Variants in ZFAND3 observed in about 807,000 individuals in gnomAD.
ZFAND3 encodes zinc finger AN1-type containing 3.
Under a neutral mutation model 29.6 loss-of-function variants are expected in ZFAND3, and 10 were observed. The ratio of observed to expected loss-of-function variants is 0.34; its 90% CI spans 0.21 to 0.57. The LOEUF is 0.57. Among genes scored for constraint, ZFAND3 ranks in the 20% least tolerant of loss-of-function variants. The pLI is 0.86. For synonymous variants in ZFAND3, 128 were observed against 112.6 expected (o/e 1.14, Z -0.87); for missense variants, 230 against 304.5 (o/e 0.76, Z 1.82).
chr6:38,153,430 G>A lies in ZFAND3; in HGVS notation c.*1041G>A, dbSNP rs1419162857. 4.1e-6 allele frequency: 4 copies of A among 985,396 alleles called. No individual in the cohort carries two copies. The allele number at this position is 985,396 out of a possible 1,614,324, so 61.0% of individuals were successfully genotyped here. A position where few individuals can be genotyped will look rare whatever the true frequency, so the allele number is the denominator to read the frequency against. ...TGGCCTCCATTCTCGTTTCTATGCA[G>A]CCCCATAGTCCAAGGACACCCAGTC... On this transcript the variant is annotated 3_prime_UTR_variant, in exon 6 of 6. Coordinates refer to ENST00000287218, the MANE Select transcript of ZFAND3 (RefSeq NM_021943.3).
chr6:38,145,634 T>C (rs963496215), intron 5 of ZFAND3, among the ~76,000 whole-genome samples: 33 of 152,100 alleles, frequency 2.2e-4, no homozygotes, highest in Middle Eastern at 3.2e-3. Context: ...TGAGTAATTT[T>C]AGAGATCTGC....
chr6:38,020,247 TATTA>T (rs1301354216), intron 2 of ZFAND3, among the ~76,000 whole-genome samples: 1 of 152,222 alleles, frequency 6.6e-6, no homozygotes, highest in African/African-American at 2.4e-5. Context: ...ATAATGTATA[TATTA>T]ATTATATTCT....
chr6:37,996,817 T>A (rs1182505094), intron 2 of ZFAND3, among the ~76,000 whole-genome samples: 1 of 152,348 alleles, frequency 6.6e-6, no homozygotes, highest in South Asian at 2.1e-4. Context: ...TTCCCATGTT[T>A]CTATTTTGTT....
At chr6:37,997,650 C>T (rs745952854) in intron 2 of ZFAND3, among the ~76,000 whole-genome samples, 1 of 152,158 alleles carries the variant, frequency 6.6e-6, no homozygotes, top group Non-Finnish European at 1.5e-5. Flanking sequence ...CCTTGTGCTC[C>T]TGGGTGAATT....
rs181150978 is a variant in ZFAND3 at position 38,150,976 on chromosome 6, G to T, written c.530-1259G>T. Among the ~76,000 whole-genome samples the T allele has an allele frequency of 4.2e-3, 633 of 152,284 alleles. 3 individuals carry two copies. Among genetic ancestry groups the T allele is most frequent in the Non-Finnish European group, 6.6e-3 (451 of 68,004 alleles). On this transcript the variant is annotated intron_variant, in intron 5 of 5. Coordinates refer to ENST00000287218, the MANE Select transcript of ZFAND3 (RefSeq NM_021943.3). The stretch of plus-strand genomic sequence containing the variant: ...GAGATAATGCTGATGGGATGAGAAG[G>T]TGATGAGGAGCCAGCCAGCACTGGC...
chr6:37,992,911 A>G (rs932455053), intron 2 of ZFAND3, among the ~76,000 whole-genome samples: 2 of 152,022 alleles, frequency 1.3e-5, no homozygotes, highest in African/African-American at 4.8e-5. Context: ...GCATTCATCT[A>G]ATTGGTTTCC....
chr6:37,845,037 A>G (rs955335238), intron 1 of ZFAND3, among the ~76,000 whole-genome samples: 2 of 151,908 alleles, frequency 1.3e-5, no homozygotes, highest in African/African-American at 4.8e-5. Context: ...AAAAAAAAAA[A>G]AAGCAATTAT....
chr6:37,824,401 A>G (rs1005518170), intron 1 of ZFAND3, among the ~76,000 whole-genome samples: 3 of 152,248 alleles, frequency 2.0e-5, no homozygotes, highest in African/African-American at 7.2e-5. Flanking sequence ...GACCTAGAAT[A>G]TTACAGAAAA....
At chr6:38,067,804 C>G (rs1329249327) in intron 3 of ZFAND3, among the ~76,000 whole-genome samples, 1 of 152,140 alleles carries the variant, frequency 6.6e-6, no homozygotes, top group Non-Finnish European at 1.5e-5. Flanking sequence ...TACAAGTCAG[C>G]TTTTCTGTTG....
In ZFAND3 at chr6:38,154,221, T is replaced by C; in HGVS notation, c.*1832T>C. On this transcript the variant is annotated 3_prime_UTR_variant, in exon 6 of 6. Coordinates refer to ENST00000287218, the MANE Select transcript of ZFAND3 (RefSeq NM_021943.3). ...AGCCCCCCATAGGCTTCCGCCAAGCTCTGGTCCCGAAGAGGCTGTGCGAGC... is the reference window on the plus strand; with the variant it reads ...AGCCCCCCATAGGCTTCCGCCAAGCCCTGGTCCCGAAGAGGCTGTGCGAGC... 2.0e-6 allele frequency: 2 copies of C among 985,520 alleles called. No homozygotes were observed. The highest frequency in any genetic ancestry group is 2.4e-6 in the Non-Finnish European group (2 of 830,006). The allele number at this position is 985,520 out of a possible 1,614,324, so 61.0% of individuals were successfully genotyped here. A position where few individuals can be genotyped will look rare whatever the true frequency, so the allele number is the denominator to read the frequency against.
intron 5 of ZFAND3, among the ~76,000 whole-genome samples, chr6:38,138,553 C>G (rs1765887348): frequency 6.6e-6 from 1 of 152,186 alleles, no homozygotes; most frequent in Admixed American, 6.5e-5. Flanking sequence ...GCATTCCAGC[C>G]CTGCTGGCTG....
At chr6:38,069,894 C>T (rs1052568379) in intron 3 of ZFAND3, among the ~76,000 whole-genome samples, 1 of 152,160 alleles carries the variant, frequency 6.6e-6, no homozygotes, top group Non-Finnish European at 1.5e-5. Context: ...CATTTTCTGG[C>T]TTGCTTTTCT....
chr6:37,836,602 A>AT (rs1298786131), intron 1 of ZFAND3, among the ~76,000 whole-genome samples: 1 of 152,226 alleles, frequency 6.6e-6, no homozygotes, highest in African/African-American at 2.4e-5. Flanking sequence ...TCTCAGCAGT[A>AT]TTCTGGCCCA....
At chr6:38,141,610 A>C in intron 5 of ZFAND3, among the ~76,000 whole-genome samples, 1 of 152,184 alleles carries the variant, frequency 6.6e-6, no homozygotes, top group Non-Finnish European at 1.5e-5. Context: ...AGGCTTGTGG[A>C]GGGGGAGAGA....
intron 4 of ZFAND3, among the ~76,000 whole-genome samples, chr6:38,097,472 CT>C (rs1765006396): frequency 6.6e-6 from 1 of 152,052 alleles, no homozygotes; most frequent in African/African-American, 2.4e-5. Flanking sequence ...TAGGTATTAA[CT>C]GGCAGAATTA....
At chr6:37,877,029 GTATT>G (rs1293883819) in intron 1 of ZFAND3, among the ~76,000 whole-genome samples, 1 of 152,248 alleles carries the variant, frequency 6.6e-6, no homozygotes, top group East Asian at 1.9e-4. Flanking sequence ...TAATCTTTGT[GTATT>G]TATGCAAGTA....
rs1300320147 is a variant in ZFAND3 at position 38,116,647 on chromosome 6, C to G, written c.437C>G (p.Thr146Ser). The G allele has an allele frequency of 1.2e-6, 2 of 1,614,158 alleles. No individual in the cohort carries two copies. The highest frequency in any genetic ancestry group is 1.7e-6 in the Non-Finnish European group (2 of 1,179,996). Reference sequence around the variant, plus strand: ...GAGAATACGGAACGGTCCGAGGAAACCAGTCGATCTAAACAGAAGAGTCGA... The same window carrying G: ...GAGAATACGGAACGGTCCGAGGAAAGCAGTCGATCTAAACAGAAGAGTCGA... ...LLENTERSEE[T>S]SRSKQKSRRR... The change falls in exon 5 of 6, where the codon ACC (threonine) becomes AGC (serine). Residue 146 changes from threonine (T) to serine (S), a missense_variant. Thr to Ser is a moderately conservative substitution (Grantham distance 58, BLOSUM62 1). Coordinates refer to ENST00000287218, the MANE Select transcript of ZFAND3 (RefSeq NM_021943.3).
chr6:38,003,705 C>A, intron 2 of ZFAND3: 2 of 348,562 alleles, frequency 5.7e-6, no homozygotes, highest in Admixed American at 3.7e-5. Context: ...GGGGTTTTGC[C>A]ATGTTGACCA....
chr6:38,003,654 A>G, intron 2 of ZFAND3: 2 of 334,284 alleles, frequency 6.0e-6, no homozygotes. Flanking sequence ...ATGCACCACC[A>G]CGACCAGCTA....
Sources: allele counts gnomAD v4.1 joint callset (sites outside exome capture counted in the v4.1 genomes callset), GRCh38; gene constraint gnomAD v4.1.1; transcripts MANE v1.5; gene names NCBI Gene and HGNC (gene_info 2026-07-23, HGNC 2026-07-21).